The following SVOP variants were observed in gnomAD, a reference collection of about 807,000 sequenced individuals.
SVOP encodes synaptic vesicle 2-related protein.
SVOP carries 17 observed loss-of-function variants against 69.1 expected under a neutral mutation model. The ratio of observed to expected loss-of-function variants is 0.25; its 90% CI spans 0.17 to 0.37. The LOEUF (loss-of-function observed/expected upper bound fraction) is 0.37, where lower values mean the gene tolerates loss of function less well. Among genes scored for constraint, SVOP ranks in the 10% least tolerant of loss-of-function variants. The pLI is 1.00. For synonymous variants in SVOP, 238 were observed against 238.6 expected, an observed-to-expected ratio of 1.00 and a Z score of 0.02; for missense variants, 435 against 597.5, an observed-to-expected ratio of 0.73 and a Z score of 2.84.
chr12:108,926,009 C>A lies in SVOP; in HGVS notation c.1049-3212G>T, dbSNP rs528709356. Among the ~76,000 whole-genome samples the A allele has an allele frequency of 4.0e-5, 6 of 151,638 alleles. No homozygotes were observed. In the South Asian group the frequency reaches 1.3e-3, roughly 32 times the overall value. On this transcript the variant is annotated intron_variant, in intron 11 of 15. Transcript: ENST00000610966. ...TCACCGCTCACTGCAGCCTTGAATT[C>A]CTGGGCTCAAGCAATTTTCCCACCT...
rs1296962725 is a variant in SVOP, at chr12:108,972,490, G to T, written c.382-14C>A. The T allele has an allele frequency of 1.4e-5, 21 of 1,537,060 alleles. No individual in the cohort carries two copies. Among genetic ancestry groups the T allele is most frequent in the Non-Finnish European group, 1.7e-5 (20 of 1,146,820 alleles). ...TACAAAGACCACCTGTGGGGGGAAAGACAGTTGTCATTAGACAGAGGATGT... is the reference window on the plus strand; with the variant it reads ...TACAAAGACCACCTGTGGGGGGAAATACAGTTGTCATTAGACAGAGGATGT... On this transcript the variant is annotated splice_polypyrimidine_tract_variant and intron_variant, in intron 4 of 15. Coordinates refer to ENST00000610966, the MANE Select transcript of SVOP (RefSeq NM_018711.5).
At chr12:108,977,230 T>C (rs1171290180) in intron 4 of SVOP, among the ~76,000 whole-genome samples, 168 bp downstream of exon 4, 2 of 152,100 alleles carry the variant, frequency 1.3e-5, no homozygotes, top group Non-Finnish European at 2.9e-5. Flanking sequence ...TGAAGTAGAG[T>C]TGGCTGTAAA....
At chr12:108,919,587 C>A in intron 13 of SVOP, 88 bp downstream of exon 13, 1 of 1,022,648 alleles carries the variant, frequency 9.8e-7, no homozygotes. Flanking sequence ...TAACACCTGG[C>A]CCGCACATCT....
intron 1 of SVOP, among the ~76,000 whole-genome samples, chr12:109,006,578 G>A (rs2040309041): frequency 6.6e-6 from 1 of 152,094 alleles, no homozygotes; most frequent in Non-Finnish European, 1.5e-5. Flanking sequence ...GGTTTCCCAG[G>A]AAAGAAATGG....
At chr12:108,912,881 C>T (rs192323884) in intron 15 of SVOP, 140 bp from the exon 16 acceptor site, 69 of 901,672 alleles carry the variant, frequency 7.7e-5, no homozygotes, top group Middle Eastern at 6.7e-4. Context: ...CTCCTCTCCC[C>T]CTTTGTCCCT....
intron 1 of SVOP, among the ~76,000 whole-genome samples, chr12:108,989,982 C>A (rs146144497): frequency 0.011 from 1,629 of 152,308 alleles, 17 homozygotes; most frequent in Non-Finnish European, 0.015. Flanking sequence ...AGTTATTATA[C>A]CCATTTTATA....
intron 5 of SVOP, among the ~76,000 whole-genome samples, chr12:108,963,907 T>C (rs756012552): frequency 3.9e-5 from 6 of 152,232 alleles, no homozygotes; most frequent in Non-Finnish European, 8.8e-5. Flanking sequence ...TTGTTTGTGT[T>C]GCATTTATTT....
intron 4 of SVOP, among the ~76,000 whole-genome samples, chr12:108,973,373 T>C (rs1191626568): frequency 6.6e-6 from 1 of 152,044 alleles, no homozygotes; most frequent in Non-Finnish European, 1.5e-5. Flanking sequence ...AGACAGTTTA[T>C]GTATGTATAA....
intron 1 of SVOP, among the ~76,000 whole-genome samples, chr12:108,997,750 CCTGT>C (rs1448278856): frequency 6.6e-6 from 1 of 151,472 alleles, no homozygotes; most frequent in African/African-American, 2.4e-5. Context: ...AGCTGAGGGT[CCTGT>C]CTGTTAGAAG....
chr12:108,960,633 G>A (rs1403118773), intron 6 of SVOP, among the ~76,000 whole-genome samples: 1 of 152,102 alleles, frequency 6.6e-6, no homozygotes, highest in Non-Finnish European at 1.5e-5. Context: ...ACACCTCTTG[G>A]GCTGCTGCAA....
In SVOP at chr12:108,920,647, G is replaced by A. The variant is rs143771251; in HGVS notation, c.1157-861C>T. On this transcript the variant is annotated intron_variant, in intron 12 of 15. Transcript: ENST00000610966. ...TTCACTCTGTCACCCAGGGTGGGGC[G>A]CAGTGGTGCGTGTGATATCAGCTTA... Among the ~76,000 whole-genome samples, 154 of 149,062 alleles carry A rather than the reference G, an allele frequency of 1.0e-3. 1 individual carries two copies. Among genetic ancestry groups the A allele is most frequent in the African/African-American group, 3.7e-3 (147 of 40,112 alleles).
rs2040219970 is a variant in SVOP at position 108,994,377 on chromosome 12, C to T, written c.36-10616G>A. On this transcript the variant is annotated intron_variant, in intron 1 of 15. Coordinates refer to ENST00000610966, the MANE Select transcript of SVOP (RefSeq NM_018711.5). ...GGCCTGGTGGCATGCACCTGTAATCCCAGCTACTCAGGAGGCTGAGGCAGG... is the reference window on the plus strand; with the variant it reads ...GGCCTGGTGGCATGCACCTGTAATCTCAGCTACTCAGGAGGCTGAGGCAGG... Among the ~76,000 whole-genome samples, 3 of 152,176 alleles carry T rather than the reference C, an allele frequency of 2.0e-5. No individual in the cohort carries two copies. The South Asian group carries it at 6.2e-4, about 32-fold the overall frequency.
In SVOP at chr12:108,940,893, C is replaced by T; in HGVS notation, c.659G>A (p.Gly220Glu). 1 of 1,536,946 alleles carries T rather than the reference C, an allele frequency of 6.5e-7. No homozygotes were observed. Among genetic ancestry groups the T allele is most frequent in the Non-Finnish European group, 8.7e-7 (1 of 1,146,722 alleles). ...ILLIEVFWAI[G>E]TVFEVVLAVF... Reference sequence around the variant, plus strand: ...AGCCAGGACGACCTCGAACACTGTCCCGATGGCCCAGAATACCTGGCACAG... The same window carrying T: ...AGCCAGGACGACCTCGAACACTGTCTCGATGGCCCAGAATACCTGGCACAG... The change falls in exon 8 of 16, where the codon GGG becomes GAG. Residue 220 changes from glycine (G) to glutamate (E), a missense_variant. Gly to Glu is a moderately conservative substitution (Grantham distance 98, BLOSUM62 -2). Transcript: ENST00000610966.
chr12:108,921,452 G>T (rs368683735), intron 12 of SVOP, among the ~76,000 whole-genome samples: 8 of 152,136 alleles, frequency 5.3e-5, no homozygotes, highest in African/African-American at 1.9e-4. Flanking sequence ...GGAGAGTGGG[G>T]AAGTAAATTT....
intron 6 of SVOP, among the ~76,000 whole-genome samples, chr12:108,958,670 G>T (rs1190805670): frequency 6.6e-6 from 1 of 152,166 alleles, no homozygotes; most frequent in African/African-American, 2.4e-5. Flanking sequence ...CAGGACTGAG[G>T]CTTTTATTCC....
At chr12:108,997,731 C>G (rs1455503894) in intron 1 of SVOP, among the ~76,000 whole-genome samples, 1 of 151,442 alleles carries the variant, frequency 6.6e-6, no homozygotes, top group Non-Finnish European at 1.5e-5. Context: ...GGTATTCCAA[C>G]AGACCTGCAG....
At chr12:108,961,889 G>A (rs2040020482) in intron 5 of SVOP, among the ~76,000 whole-genome samples, 1 of 151,940 alleles carries the variant, frequency 6.6e-6, no homozygotes, top group Non-Finnish European at 1.5e-5. Context: ...TCATTAACAA[G>A]TTTATTTTGG....
chr12:108,936,468 T>C (rs2039856779), intron 10 of SVOP, among the ~76,000 whole-genome samples: 1 of 151,480 alleles, frequency 6.6e-6, no homozygotes, highest in Non-Finnish European at 1.5e-5. Context: ...CCTTAACACC[T>C]CCCCTCTCCC....
chr12:108,987,544 G>A (rs562712016), intron 1 of SVOP, among the ~76,000 whole-genome samples: 13 of 152,230 alleles, frequency 8.5e-5, no homozygotes, highest in African/African-American at 2.6e-4. Context: ...TGGCTGCACC[G>A]TTTTGTATTC....
Sources: allele counts gnomAD v4.1 joint callset (sites outside exome capture counted in the v4.1 genomes callset), GRCh38; gene constraint gnomAD v4.1.1; transcripts MANE v1.5; gene names NCBI Gene and HGNC (gene_info 2026-07-23, HGNC 2026-07-21).